Variants in ZBTB40 observed in about 807,000 individuals in gnomAD.
ZBTB40 encodes the protein zinc finger and BTB domain-containing protein 40.
A neutral mutation model predicts 117.5 loss-of-function variants in ZBTB40; 60 were observed. The observed-to-expected ratio is 0.51, with a 90% CI of 0.41 to 0.63. The LOEUF (loss-of-function observed/expected upper bound fraction) is 0.63. Among genes scored for constraint, ZBTB40 ranks in the 30% least tolerant of loss-of-function variants. ZBTB40 has a pLI of 0.00. For synonymous variants in ZBTB40, 525 were observed against 577.1 expected, an observed-to-expected ratio of 0.91 and a Z score of 1.29; for missense variants, 1,287 against 1,498.5, an observed-to-expected ratio of 0.86 and a Z score of 2.33.
chr1:22,497,279 C>T (rs1638805086), intron 3 of ZBTB40, among the ~76,000 whole-genome samples: 2 of 152,062 alleles, frequency 1.3e-5, no homozygotes, highest in Non-Finnish European at 2.9e-5. Context: ...ATTTTTTTCT[C>T]CTTCAACTTT....
chr1:22,486,394 T>C (rs1258736544), intron 1 of ZBTB40, among the ~76,000 whole-genome samples: 2 of 152,248 alleles, frequency 1.3e-5, no homozygotes, highest in Non-Finnish European at 2.9e-5. Context: ...GAGAAAACTG[T>C]AGCCAGTTAG....
rs1557519405 is a variant in ZBTB40, at chr1:22,513,209, TATATC to T, written c.2668+80_2668+84del. On this transcript the variant is annotated intron_variant, in intron 12 of 17. Coordinates refer to ENST00000375647, the MANE Select transcript of ZBTB40 (RefSeq NM_014870.4). The surrounding 1 kb of genome is among the most constrained non-coding windows in gnomAD (Gnocchi z 4.9). The stretch of plus-strand genomic sequence containing the variant: ...AACCCCATTTGGATTAGGTGTGATA[TATATC>T]TCAAAAACAAAACAATTTGATAGCA... 2.7e-6 allele frequency: 4 copies of T among 1,497,516 alleles called. No homozygotes were observed. The allele number at this position is 1,497,516 out of a possible 1,614,324, so 92.8% of individuals were successfully genotyped here.
chr1:22,526,067 C>T, intron 17 of ZBTB40, 135 bp from the exon 18 acceptor site: 1 of 1,007,924 alleles, frequency 9.9e-7, no homozygotes. Context: ...TTGCCTCTTC[C>T]CATTAGGCAC....
intron 1 of ZBTB40, among the ~76,000 whole-genome samples, chr1:22,477,649 A>G (rs1641583003): frequency 7.0e-6 from 1 of 142,672 alleles, no homozygotes; most frequent in African/African-American, 2.6e-5. Flanking sequence ...ACTCTGTCTC[A>G]AAAAAAAAAA....
intron 1 of ZBTB40, among the ~76,000 whole-genome samples, chr1:22,462,350 T>C (rs1287513671): frequency 1.3e-5 from 2 of 152,204 alleles, no homozygotes; most frequent in Non-Finnish European, 1.5e-5. Flanking sequence ...CACTTCCTCA[T>C]TTGAAAGTGG....
intron 1 of ZBTB40, among the ~76,000 whole-genome samples, chr1:22,478,405 G>A (rs929197804): frequency 2.6e-5 from 4 of 152,034 alleles, no homozygotes; most frequent in East Asian, 1.9e-4. Context: ...CTGCTACCAC[G>A]TCCGGCTAAT....
intron 5 of ZBTB40, among the ~76,000 whole-genome samples, chr1:22,502,811 T>A (rs1036707667): frequency 6.6e-6 from 1 of 152,212 alleles, no homozygotes; most frequent in Non-Finnish European, 1.5e-5. Flanking sequence ...TATCCAGAAT[T>A]AAAATGTTAA....
chr1:22,493,903 A>G (rs577840017), intron 3 of ZBTB40, among the ~76,000 whole-genome samples: 1 of 150,618 alleles, frequency 6.6e-6, no homozygotes, highest in South Asian at 2.1e-4. Flanking sequence ...TTGTGTGGAT[A>G]TACAATTCAT....
chr1:22,461,454 G>T (rs1641131119), intron 1 of ZBTB40, among the ~76,000 whole-genome samples: 1 of 151,520 alleles, frequency 6.6e-6, no homozygotes, highest in Non-Finnish European at 1.5e-5. Context: ...CAGCAATAGA[G>T]AAGTTATCCT....
intron 16 of ZBTB40, among the ~76,000 whole-genome samples, chr1:22,523,225 A>G (rs1186034333): frequency 1.3e-5 from 2 of 152,138 alleles, no homozygotes; most frequent in Admixed American, 6.5e-5. Flanking sequence ...TGCTGGGATT[A>G]CAGGCGTGAG....
At chr1:22,487,978 G>A (rs1314502212) in intron 1 of ZBTB40, among the ~76,000 whole-genome samples, 1 of 152,116 alleles carries the variant, frequency 6.6e-6, no homozygotes, top group Non-Finnish European at 1.5e-5. Context: ...ACCACGGGAT[G>A]TTTTCTTATC....
chr1:22,454,242 C>T (rs1272525514), intron 1 of ZBTB40, among the ~76,000 whole-genome samples: 3 of 152,184 alleles, frequency 2.0e-5, no homozygotes, highest in South Asian at 2.1e-4. Flanking sequence ...CGTGAGCCAT[C>T]GCGCCCGGCC....
chr1:22,455,150 T>C (rs1640975558), intron 1 of ZBTB40, among the ~76,000 whole-genome samples: 1 of 152,224 alleles, frequency 6.6e-6, no homozygotes, highest in Non-Finnish European at 1.5e-5. Flanking sequence ...AAACTACTTA[T>C]GTTCCTCCAT....
chr1:22,497,929 A>G (rs1205675158), intron 3 of ZBTB40, among the ~76,000 whole-genome samples: 1 of 152,196 alleles, frequency 6.6e-6, no homozygotes, highest in African/African-American at 2.4e-5. Context: ...CATTATTGCC[A>G]TCACCCAGCC....
intron 1 of ZBTB40, among the ~76,000 whole-genome samples, chr1:22,458,646 T>C (rs1168063636): frequency 6.6e-6 from 1 of 152,266 alleles, no homozygotes; most frequent in Non-Finnish European, 1.5e-5. Flanking sequence ...AGTCACTTGA[T>C]GTAATTATCT....
chr1:22,524,575 C>T, intron 17 of ZBTB40, 131 bp downstream of exon 17: 1 of 1,067,614 alleles, frequency 9.4e-7, no homozygotes, highest in Non-Finnish European at 1.4e-6. Context: ...GGACTTCTTA[C>T]AAAACAGAAC....
intron 1 of ZBTB40, among the ~76,000 whole-genome samples, chr1:22,453,909 A>G (rs1640943133): frequency 6.6e-6 from 1 of 152,180 alleles, no homozygotes; most frequent in South Asian, 2.1e-4. Context: ...TACCAAGTAA[A>G]CAAATCTAGG....
At chr1:22,452,151 C>T (rs1253349773) in intron 1 of ZBTB40, 147 bp downstream of exon 1, 2 of 152,572 alleles carry the variant, frequency 1.3e-5, no homozygotes, top group Non-Finnish European at 2.9e-5. Flanking sequence ...CTCACCTACA[C>T]CCCGGACGTG....
At chr1:22,511,424 A>T (rs1458996713) in intron 10 of ZBTB40, 77 bp downstream of exon 10, 5 of 1,573,440 alleles carry the variant, frequency 3.2e-6, no homozygotes, top group African/African-American at 1.4e-5. Flanking sequence ...ACAGCATTTC[A>T]TATCATAGTT....
Sources: allele counts gnomAD v4.1 joint callset (sites outside exome capture counted in the v4.1 genomes callset), GRCh38; gene constraint gnomAD v4.1.1; non-coding constraint Gnocchi (gnomAD v3.1); transcripts MANE v1.5; gene names NCBI Gene and HGNC (gene_info 2026-07-23, HGNC 2026-07-21).